The following EREG variants were observed in gnomAD, a reference collection of about 807,000 sequenced individuals.
The protein encoded by EREG is proepiregulin.
In EREG, 23 loss-of-function variants were observed where a neutral mutation model predicts 22.4. The observed-to-expected ratio is 1.03, with a 90% CI of 0.74 to 1.46. The LOEUF is 1.46. Ranked by LOEUF, EREG falls within the 40% of genes most tolerant of loss-of-function variation. EREG has a pLI of 0.00. For missense variants in EREG, 226 were observed against 205.9 expected (o/e 1.10, Z -0.60); for synonymous variants, 100 against 75.4 (o/e 1.33, Z -1.69).
intron 1 of EREG, among the ~76,000 whole-genome samples, chr4:74,376,071 C>T (rs138037289): frequency 9.8e-4 from 149 of 152,272 alleles, no homozygotes; most frequent in African/African-American, 3.3e-3. Context: ...CAAAGACAAA[C>T]ATTTCACCTG....
In EREG at chr4:74,365,162, A is replaced by G; in HGVS notation, c.-147A>G. 3.1e-6 allele frequency: 2 copies of G among 639,210 alleles called. No individual in the cohort carries two copies. Among genetic ancestry groups the G allele is most frequent in the Non-Finnish European group, 5.6e-6 (2 of 359,000 alleles). The allele number at this position is 639,210 out of a possible 1,614,324, so 39.6% of individuals were successfully genotyped here. A position where few individuals can be genotyped will look rare whatever the true frequency, so the allele number is the denominator to read the frequency against. ...TTGAGCTCACTTGCCTGATATTTCC[A>G]GTGTCAGAGGGACACAGCCAACGTG... On this transcript the variant is annotated 5_prime_UTR_variant, in exon 1 of 5. Coordinates refer to ENST00000244869, the MANE Select transcript of EREG (RefSeq NM_001432.3).
chr4:74,383,275 G>C (rs4694189), intron 4 of EREG, among the ~76,000 whole-genome samples: 1 of 152,104 alleles, frequency 6.6e-6, no homozygotes, highest in Non-Finnish European at 1.5e-5. Context: ...TCATAGGATA[G>C]GTGCTACTGT....
At chr4:74,383,496 T>A (rs80217890) in intron 4 of EREG, among the ~76,000 whole-genome samples, 6,231 of 152,190 alleles carry the variant, frequency 0.041, 404 homozygotes, top group African/African-American at 0.14. Flanking sequence ...ATGTGCATTA[T>A]TGTCACAAGC....
intron 1 of EREG, among the ~76,000 whole-genome samples, chr4:74,369,762 GT>G: frequency 6.6e-6 from 1 of 151,874 alleles, no homozygotes. Context: ...TCATGCACCA[GT>G]TTTTTCTTTC....
chr4:74,384,773 G>C lies in EREG; in HGVS notation c.475G>C (p.Val159Leu), dbSNP rs139275751. 73 of 1,613,310 alleles carry C rather than the reference G, an allele frequency of 4.5e-5. No individual in the cohort carries two copies. Among genetic ancestry groups the C allele is most frequent in the Non-Finnish European group, 6.0e-5 (71 of 1,179,436 alleles). The part of the protein sequence containing the change: ...SKEPKKEYER[V>L]TSGDPELPQV Reference sequence around the variant, plus strand: ...AGAACCAAAGAAGGAATATGAGAGAGTTACCTCAGGGGATCCAGAGTTGCC... The same window carrying C: ...AGAACCAAAGAAGGAATATGAGAGACTTACCTCAGGGGATCCAGAGTTGCC... The change falls in exon 5 of 5, where the codon GTT becomes CTT. Residue 159 changes from valine (V) to leucine (L), a missense_variant. By Grantham distance (32) the Val-to-Leu change is conservative. Coordinates refer to ENST00000244869, the MANE Select transcript of EREG (RefSeq NM_001432.3).
At chr4:74,368,800 G>C (rs1260206417) in intron 1 of EREG, among the ~76,000 whole-genome samples, 1 of 152,170 alleles carries the variant, frequency 6.6e-6, no homozygotes, top group African/African-American at 2.4e-5. Flanking sequence ...CTGCTGCTGG[G>C]AACATTCCAT....
chr4:74,377,065 AACCAGAAGAGGGCACTGTCCACATAC>A (rs1752393506), intron 1 of EREG, among the ~76,000 whole-genome samples: 2 of 152,084 alleles, frequency 1.3e-5, no homozygotes, highest in Non-Finnish European at 2.9e-5. Context: ...ACTTGTTATA[AACCAGAAGAGGGCACTGTCCACATAC>A]ACTGCTAAAA....
At chr4:74,380,917 G>A (rs1463561951) in intron 2 of EREG, 97 bp from the exon 3 acceptor site, 3 of 1,326,752 alleles carry the variant, frequency 2.3e-6, no homozygotes, top group African/African-American at 2.9e-5. Context: ...CATCTGACTT[G>A]TTGTGTAGAA....
rs773645302 is a variant in EREG, at chr4:74,365,354, C to T, written c.46C>T (p.Pro16Ser). The T allele has an allele frequency of 1.2e-6, 2 of 1,610,788 alleles. No homozygotes were observed. The highest frequency in any genetic ancestry group is 2.2e-5 in the East Asian group (1 of 44,870). Residue 16 changes from proline to serine, a missense_variant, in exon 1 of 5, where the codon CCT (proline) becomes TCT (serine). Pro to Ser is a moderately conservative substitution (Grantham distance 74). Coordinates refer to ENST00000244869, the MANE Select transcript of EREG (RefSeq NM_001432.3). ...GGAGATGCTCTGTGCCGGCAGGGTCCCTGCGCTGCTGCTCTGCCTGGGTAA... is the reference window on the plus strand; with the variant it reads ...GGAGATGCTCTGTGCCGGCAGGGTCTCTGCGCTGCTGCTCTGCCTGGGTAA... ...RMEMLCAGRV[P>S]ALLLCLGFHL...
At chr4:74,379,047 C>T (rs149455496) in intron 1 of EREG, among the ~76,000 whole-genome samples, 2 of 152,170 alleles carry the variant, frequency 1.3e-5, no homozygotes, top group East Asian at 1.9e-4. Context: ...AAGTGGAAAC[C>T]GATTTTTTAT....
rs966623110 is a variant in EREG at position 74,379,452 on chromosome 4, C to T, written c.72C>T (p.Phe24=). The T allele has an allele frequency of 2.5e-6, 4 of 1,597,816 alleles. No homozygotes were observed. Among genetic ancestry groups the T allele is most frequent in the Non-Finnish European group, 2.6e-6 (3 of 1,165,842 alleles). Residue 24 remains phenylalanine (F), a synonymous_variant, in exon 2 of 5, where the codon TTC becomes TTT. Coordinates refer to ENST00000244869, the MANE Select transcript of EREG (RefSeq NM_001432.3). ...TCGATTTTTCTTCATAAATAGGTTT[C>T]CATCTTCTACAGGCAGTCCTCAGTA... ...RVPALLLCLG[F]HLLQAVLSTT...
intron 1 of EREG, among the ~76,000 whole-genome samples, chr4:74,367,214 TACTTTTAAA>T (rs1182276158): frequency 1.3e-5 from 2 of 152,212 alleles, no homozygotes; most frequent in African/African-American, 4.8e-5. Context: ...ATCATTTGGT[TACTTTTAAA>T]TTTTACACTT....
chr4:74,377,108 G>T (rs187648158), intron 1 of EREG, among the ~76,000 whole-genome samples: 1 of 150,404 alleles, frequency 6.6e-6, no homozygotes, highest in African/African-American at 2.5e-5. Context: ...AAAACCAGAG[G>T]CTAGAAGTTG....
At chr4:74,371,847 A>T (rs1578817427) in intron 1 of EREG, among the ~76,000 whole-genome samples, 1 of 150,024 alleles carries the variant, frequency 6.7e-6, no homozygotes, top group Admixed American at 6.6e-5. Context: ...TTTTAATGGC[A>T]GCATTCTCTG....
intron 1 of EREG, among the ~76,000 whole-genome samples, chr4:74,378,604 C>T (rs1293306427): frequency 2.6e-5 from 4 of 152,120 alleles, no homozygotes; most frequent in African/African-American, 9.7e-5. Context: ...TACTATATAA[C>T]AGTTACTTAA....
chr4:74,382,892 T>A, intron 4 of EREG, 98 bp downstream of exon 4: 1 of 886,718 alleles, frequency 1.1e-6, no homozygotes, highest in Non-Finnish European at 1.7e-6. Flanking sequence ...ATTAGAGAGA[T>A]AAGATCAAAC....
At chr4:74,375,721 C>A (rs949985953) in intron 1 of EREG, among the ~76,000 whole-genome samples, 1 of 152,002 alleles carries the variant, frequency 6.6e-6, no homozygotes. Flanking sequence ...ACTCTTCTAC[C>A]CTAGTTTGCA....
rs201201335 is a variant in EREG at position 74,380,991 on chromosome 4, T to C, written c.155-23T>C. ...CTTCCATGAAGGCTGCAGAATATAT[T>C]CAACTTTCCACTTCTTTTACAGTTC... On this transcript the variant is annotated intron_variant, in intron 2 of 4. Transcript: ENST00000244869. The C allele has an allele frequency of 1.9e-6, 3 of 1,608,700 alleles. No individual in the cohort carries two copies. The Admixed American group carries it at 5.1e-5, about 27-fold the overall frequency.
chr4:74,372,027 T>C (rs929063595), intron 1 of EREG, among the ~76,000 whole-genome samples: 4 of 152,182 alleles, frequency 2.6e-5, no homozygotes, highest in Admixed American at 2.6e-4. Flanking sequence ...CAACGCTCAA[T>C]AGATATTTAT....
Sources: gnomAD v4.1 joint callset for allele counts (sites outside exome capture counted in the v4.1 genomes callset) on GRCh38, gnomAD v4.1.1 for gene constraint, MANE v1.5 for transcripts, NCBI Gene and HGNC (gene_info 2026-07-23, HGNC 2026-07-21) for gene names.